CFAP299: variants seen among roughly 807,000 people sequenced by gnomAD.
CFAP299 encodes the protein cilia- and flagella-associated protein 299.
CFAP299 carries 21 observed loss-of-function variants against 27.0 expected under a neutral mutation model. That is an observed-to-expected ratio of 0.78 (90% CI 0.55 to 1.12). The LOEUF is 1.12. CFAP299 is among the 50% of genes most tolerant of loss of function. The probability of loss-of-function intolerance (pLI) is 0.00; values close to 1 mark genes in which losing one functional copy is unlikely to be tolerated. For missense variants in CFAP299, 310 were observed against 276.6 expected, an observed-to-expected ratio of 1.12 and a Z score of -0.86; for synonymous variants, 104 against 98.1, an observed-to-expected ratio of 1.06 and a Z score of -0.36.
chr4:80,687,667 G>T (rs752296150), intron 3 of CFAP299, among the ~76,000 whole-genome samples: 9 of 152,184 alleles, frequency 5.9e-5, no homozygotes, highest in Non-Finnish European at 1.2e-4. Context: ...ACAGAGCAGG[G>T]CATTCTGGAG....
chr4:80,673,726 T>G (rs1244702477), intron 3 of CFAP299, among the ~76,000 whole-genome samples: 1 of 152,190 alleles, frequency 6.6e-6, no homozygotes, highest in African/African-American at 2.4e-5. Flanking sequence ...ATGTTTAGGA[T>G]AGGTAGCTCT....
intron 3 of CFAP299, among the ~76,000 whole-genome samples, chr4:80,800,338 A>G (rs1169627064): frequency 1.5e-4 from 11 of 71,870 alleles, no homozygotes; most frequent in East Asian, 9.2e-4. Flanking sequence ...ATTAATATAT[A>G]TAATATATAA....
At chr4:80,787,166 G>A (rs369971309) in intron 3 of CFAP299, among the ~76,000 whole-genome samples, 161 of 149,692 alleles carry the variant, frequency 1.1e-3, no homozygotes, top group African/African-American at 3.6e-3. Context: ...TAGATAATGC[G>A]ATAATGTCTT....
intron 4 of CFAP299, among the ~76,000 whole-genome samples, chr4:80,882,060 CA>C (rs959014688): frequency 1.6e-3 from 235 of 147,124 alleles, no homozygotes; most frequent in African/African-American, 5.4e-3. Flanking sequence ...ATCAGAGGAG[CA>C]AAAAAAAAGA....
chr4:80,786,690 A>G (rs1336863096), intron 3 of CFAP299, among the ~76,000 whole-genome samples: 3 of 152,088 alleles, frequency 2.0e-5, no homozygotes, highest in Non-Finnish European at 4.4e-5. Context: ...GAATCCTATC[A>G]AGGCAATCAC....
intron 3 of CFAP299, among the ~76,000 whole-genome samples, chr4:80,796,331 G>A (rs185725530): frequency 7.0e-4 from 106 of 152,246 alleles, no homozygotes; most frequent in Admixed American, 1.8e-3. Context: ...GCATGCAAAC[G>A]TCTCACCAAT....
At chr4:80,388,017 G>T (rs1316970904) in intron 2 of CFAP299, 3 of 706,048 alleles carry the variant, frequency 4.2e-6, no homozygotes, top group East Asian at 2.5e-5. Context: ...ACCTCCAGGG[G>T]TGGGTAGGGC....
intron 2 of CFAP299, among the ~76,000 whole-genome samples, chr4:80,558,519 G>C (rs1169575863): frequency 1.3e-5 from 2 of 151,888 alleles, no homozygotes; most frequent in African/African-American, 2.4e-5. Context: ...ATTCTCCTAA[G>C]AAGGCACAGA....
intron 2 of CFAP299, among the ~76,000 whole-genome samples, chr4:80,418,615 G>T (rs193181661): frequency 6.6e-6 from 1 of 152,182 alleles, no homozygotes; most frequent in Non-Finnish European, 1.5e-5. Flanking sequence ...CTGAGGCTTC[G>T]TATCCTTTGA....
chr4:80,640,792 T>C (rs1739686870), intron 3 of CFAP299, among the ~76,000 whole-genome samples: 1 of 152,196 alleles, frequency 6.6e-6, no homozygotes, highest in South Asian at 2.1e-4. Flanking sequence ...AGAGGGTTAT[T>C]CAAGATTAAT....
intron 3 of CFAP299, among the ~76,000 whole-genome samples, chr4:80,637,349 T>G (rs971350233): frequency 2.0e-5 from 3 of 152,192 alleles, no homozygotes; most frequent in African/African-American, 7.2e-5. Context: ...GCAATTTTTT[T>G]CCTGTGAAAT....
chr4:80,472,222 A>C (rs1256745021), intron 2 of CFAP299, among the ~76,000 whole-genome samples: 2 of 152,210 alleles, frequency 1.3e-5, no homozygotes, highest in African/African-American at 2.4e-5. Flanking sequence ...TAGGGATTAC[A>C]GACTTAAAAT....
At chr4:80,438,407 T>C (rs1261922958) in intron 2 of CFAP299, among the ~76,000 whole-genome samples, 2 of 152,236 alleles carry the variant, frequency 1.3e-5, no homozygotes, top group African/African-American at 4.8e-5. Flanking sequence ...AGCTTCCAAA[T>C]GTCATCCCAA....
the CFAP299 span, among the ~76,000 whole-genome samples, chr4:80,329,013 G>A: frequency 6.6e-6 from 1 of 152,004 alleles, no homozygotes; most frequent in Non-Finnish European, 1.5e-5. Flanking sequence ...TGCAGCCCAG[G>A]ACGGCTTTAA....
intron 4 of CFAP299, among the ~76,000 whole-genome samples, chr4:80,885,267 A>G (rs771827630): frequency 3.9e-5 from 6 of 152,192 alleles, no homozygotes; most frequent in Non-Finnish European, 5.9e-5. Flanking sequence ...GGGATTTTAG[A>G]TAAACTTGAA....
intron 3 of CFAP299, among the ~76,000 whole-genome samples, chr4:80,645,154 T>C (rs1739937423): frequency 6.6e-6 from 1 of 152,114 alleles, no homozygotes; most frequent in Non-Finnish European, 1.5e-5. Flanking sequence ...ACCAGTATTT[T>C]CCAATGTTTA....
chr4:80,960,529 G>A (rs775610620), intron 5 of CFAP299, among the ~76,000 whole-genome samples: 3 of 151,798 alleles, frequency 2.0e-5, no homozygotes, highest in Non-Finnish European at 3.0e-5. Context: ...GAGGTTCTGA[G>A]ACTGGGAGAA....
chr4:80,548,606 C>T (rs1395116157), intron 2 of CFAP299, among the ~76,000 whole-genome samples: 1 of 151,994 alleles, frequency 6.6e-6, no homozygotes, highest in Non-Finnish European at 1.5e-5. Context: ...ATATAAGAAG[C>T]TCAGGTTCTA....
intron 3 of CFAP299, among the ~76,000 whole-genome samples, chr4:80,746,380 T>A (rs1191517697): frequency 6.6e-6 from 1 of 152,064 alleles, no homozygotes; most frequent in Non-Finnish European, 1.5e-5. Context: ...TTAATAAAAA[T>A]CTGTTATTAA....
Sources: gnomAD v4.1 joint callset for allele counts (sites outside exome capture counted in the v4.1 genomes callset) on GRCh38, gnomAD v4.1.1 for gene constraint, MANE v1.5 for transcripts, NCBI Gene and HGNC (gene_info 2026-07-23, HGNC 2026-07-21) for gene names.